BMP8B: variants seen among roughly 807,000 people sequenced by gnomAD.
BMP8B encodes the protein bone morphogenetic protein 8 (osteogenic protein 2).
In BMP8B, 17 loss-of-function variants were observed where a neutral mutation model predicts 30.3. The observed-to-expected ratio is 0.56, with a 90% CI of 0.38 to 0.84. The LOEUF is 0.84. Ranked by LOEUF, BMP8B falls within the 40% of genes least tolerant of loss-of-function variation. The pLI, the probability that BMP8B is intolerant of heterozygous loss-of-function variation, is 0.00. For missense variants in BMP8B, 253 were observed against 494.6 expected, an observed-to-expected ratio of 0.51 and a Z score of 4.63; for synonymous variants, 131 against 214.7, an observed-to-expected ratio of 0.61 and a Z score of 3.41.
intron 3 of BMP8B, among the ~76,000 whole-genome samples, chr1:39,766,149 G>A (rs1649599599): frequency 1.4e-5 from 2 of 148,094 alleles, no homozygotes. Flanking sequence ...ACTTGATATT[G>A]GCTCATCATA....
intron 1 of BMP8B, among the ~76,000 whole-genome samples, chr1:39,787,255 C>G (rs372318744): frequency 0.19 from 28,021 of 150,514 alleles, 2,754 homozygotes; most frequent in East Asian, 0.3. Flanking sequence ...CCCTCTCCCT[C>G]CTCTCAGCCC....
chr1:39,786,696 G>A (rs1450196764), intron 1 of BMP8B, among the ~76,000 whole-genome samples: 1 of 151,144 alleles, frequency 6.6e-6, no homozygotes, highest in African/African-American at 2.4e-5. Flanking sequence ...CAGAGCCCCA[G>A]CCCCAGCTTC....
intron 1 of BMP8B, among the ~76,000 whole-genome samples, chr1:39,784,001 T>C (rs1190963426): frequency 1.3e-5 from 2 of 152,200 alleles, no homozygotes; most frequent in Non-Finnish European, 2.9e-5. Context: ...CACACTGCAT[T>C]TAACGGTGGG....
intron 1 of BMP8B, among the ~76,000 whole-genome samples, chr1:39,775,937 G>A (rs1355548845): frequency 6.6e-6 from 1 of 152,284 alleles, no homozygotes; most frequent in African/African-American, 2.4e-5. Flanking sequence ...TGGCAGGGAG[G>A]GTGCTCTAGG....
rs1356413022 is a variant in BMP8B at position 39,788,466 on chromosome 1, G to A, written c.20C>T (p.Pro7Leu). Residue 7 changes from proline (P) to leucine (L), a missense_variant, in exon 1 of 7, where the codon CCG becomes CTG. By Grantham distance (98) the Pro-to-Leu change is moderately conservative (BLOSUM62 -3). Transcript: ENST00000372827. The surrounding 1 kb of genome is among the most constrained non-coding windows in gnomAD (Gnocchi z 5.8). The stretch of plus-strand genomic sequence containing the variant: ...TAGCGCCAGGCCCAGGAGCCAGAGC[G>A]GGCCGGGGAGCGCGGTCATGGCAGG... MTALPG[P>L]LWLLGLALCA... The A allele has an allele frequency of 3.9e-6, 4 of 1,024,654 alleles. No individual in the cohort carries two copies. Among genetic ancestry groups the A allele is most frequent in the Non-Finnish European group, 3.5e-6 (3 of 857,078 alleles). 63.5% of individuals were successfully genotyped at this position (1,024,654 alleles called of 1,614,324 possible).
At chr1:39,762,096 C>T (rs956665850) in intron 6 of BMP8B, among the ~76,000 whole-genome samples, 1 of 152,220 alleles carries the variant, frequency 6.6e-6, no homozygotes, top group Non-Finnish European at 1.5e-5. Flanking sequence ...TGGGCCTTTC[C>T]AAGGAGGTGG....
chr1:39,785,563 C>G (rs2780920), intron 1 of BMP8B, among the ~76,000 whole-genome samples: 1,545 of 152,338 alleles, frequency 0.01, 16 homozygotes, highest in Admixed American at 0.013. Context: ...TTGGGCCCTA[C>G]GGGCACCAGA....
At chr1:39,782,998 T>C (rs1195525123) in intron 1 of BMP8B, among the ~76,000 whole-genome samples, 1 of 152,090 alleles carries the variant, frequency 6.6e-6, no homozygotes, top group African/African-American at 2.4e-5. Flanking sequence ...GGTTTCACCA[T>C]GTTGGCCAGG....
At chr1:39,783,399 A>T (rs929012924) in intron 1 of BMP8B, among the ~76,000 whole-genome samples, 4 of 152,158 alleles carry the variant, frequency 2.6e-5, no homozygotes, top group African/African-American at 9.7e-5. Context: ...AATGGGTAGG[A>T]CCAGTCACTA....
In BMP8B at chr1:39,760,264, G is replaced by A; in HGVS notation, c.*155C>T. The A allele has an allele frequency of 8.0e-7, 1 of 1,250,670 alleles. No individual in the cohort carries two copies. Among genetic ancestry groups the A allele is most frequent in the Non-Finnish European group, 1.1e-6 (1 of 919,814 alleles). The allele number at this position is 1,250,670 out of a possible 1,614,324, so 77.5% of individuals were successfully genotyped here. A position where few individuals can be genotyped will look rare whatever the true frequency, so the allele number is the denominator to read the frequency against. ...CTGGCAGGGCAAGGGGAGCATAGGAGCCTGGCATGAAGGAGAAAGGGTCAT... is the reference window on the plus strand; with the variant it reads ...CTGGCAGGGCAAGGGGAGCATAGGAACCTGGCATGAAGGAGAAAGGGTCAT... On this transcript the variant is annotated 3_prime_UTR_variant, in exon 7 of 7. Coordinates refer to ENST00000372827, the MANE Select transcript of BMP8B (RefSeq NM_001720.5).
At chr1:39,779,337 G>A (rs1296806629) in intron 1 of BMP8B, among the ~76,000 whole-genome samples, 5 of 152,150 alleles carry the variant, frequency 3.3e-5, no homozygotes, top group African/African-American at 9.7e-5. Flanking sequence ...CTTGGCACTC[G>A]CTGCCTCCTG....
chr1:39,781,560 A>G (rs534917322), intron 1 of BMP8B, among the ~76,000 whole-genome samples: 41 of 152,332 alleles, frequency 2.7e-4, no homozygotes, highest in Admixed American at 1.4e-3. Flanking sequence ...TAATCGTGTA[A>G]ATTGTATCTT....
At chr1:39,761,548 A>C (rs1648980744) in intron 6 of BMP8B, among the ~76,000 whole-genome samples, 1 of 151,454 alleles carries the variant, frequency 6.6e-6, no homozygotes. Context: ...GGAATAAAAC[A>C]CCTTCATTCA....
chr1:39,758,241 T>C lies in BMP8B; in HGVS notation c.*2178A>G, dbSNP rs962825745. The stretch of plus-strand genomic sequence containing the variant: ...ATGGCAAACAGGTTCCATAATTTCA[T>C]TTTGTTGAGACAACAGTTTTGCTCA... On this transcript the variant is annotated 3_prime_UTR_variant, in exon 7 of 7. Coordinates refer to ENST00000372827, the MANE Select transcript of BMP8B (RefSeq NM_001720.5). The C allele has an allele frequency of 6.6e-6, 1 of 152,238 alleles. No individual in the cohort carries two copies. Among genetic ancestry groups the C allele is most frequent in the Non-Finnish European group, 1.5e-5 (1 of 68,048 alleles). 9.4% of individuals were successfully genotyped at this position (152,238 alleles called of 1,614,324 possible).
At chr1:39,784,612 T>G (rs559909028) in intron 1 of BMP8B, among the ~76,000 whole-genome samples, 1,742 of 112,686 alleles carry the variant, frequency 0.015, 202 homozygotes, top group African/African-American at 0.05. Context: ...TACAGAACTA[T>G]TTGCTGAATG....
chr1:39,783,681 G>C (rs578100485), intron 1 of BMP8B, among the ~76,000 whole-genome samples: 1 of 152,372 alleles, frequency 6.6e-6, no homozygotes, highest in African/African-American at 2.4e-5. Context: ...GCTGAGGCAG[G>C]AGGATCAGAT....
In BMP8B at chr1:39,788,108, A is replaced by T; in HGVS notation, c.334+44T>A. On this transcript the variant is annotated intron_variant, in intron 1 of 6. Coordinates refer to ENST00000372827, the MANE Select transcript of BMP8B (RefSeq NM_001720.5). The surrounding 1 kb of genome is among the most constrained non-coding windows in gnomAD (Gnocchi z 5.8). The stretch of plus-strand genomic sequence containing the variant: ...CCGCGGATGCGCGCCCCTCCCCTGC[A>T]GCCAGCTTACTCCGAGGGTCCCCGC... The T allele has an allele frequency of 6.6e-7, 1 of 1,507,462 alleles. No homozygotes were observed. The highest frequency in any genetic ancestry group is 8.8e-7 in the Non-Finnish European group (1 of 1,139,434). The allele number at this position is 1,507,462 out of a possible 1,614,324, so 93.4% of individuals were successfully genotyped here.
intron 1 of BMP8B, among the ~76,000 whole-genome samples, chr1:39,779,000 A>G (rs886458197): frequency 2.0e-5 from 3 of 152,190 alleles, no homozygotes; most frequent in South Asian, 2.1e-4. Flanking sequence ...CCAAGGAGGG[A>G]CAGAGGGTTT....
intron 1 of BMP8B, among the ~76,000 whole-genome samples, chr1:39,786,087 G>A (rs1650966718): frequency 6.6e-6 from 1 of 152,156 alleles, no homozygotes; most frequent in Non-Finnish European, 1.5e-5. Context: ...GTGTGGCCCT[G>A]GGCTGGCTAT....
Sources: gnomAD v4.1 joint callset for allele counts (sites outside exome capture counted in the v4.1 genomes callset) on GRCh38, gnomAD v4.1.1 for gene constraint, Gnocchi (gnomAD v3.1) non-coding constraint, MANE v1.5 for transcripts, NCBI Gene and HGNC (gene_info 2026-07-23, HGNC 2026-07-21) for gene names.